PLCB1: variants seen among roughly 807,000 people sequenced by gnomAD.
The protein encoded by PLCB1 is 1-phosphatidylinositol 4,5-bisphosphate phosphodiesterase beta-1.
PLCB1 carries 46 observed loss-of-function variants against 161.8 expected under a neutral mutation model. That is an observed-to-expected ratio of 0.28 (90% CI 0.22 to 0.36). The LOEUF is 0.36. Ranked by LOEUF, PLCB1 falls within the 10% of genes least tolerant of loss-of-function variation. The probability of loss-of-function intolerance (pLI) is 1.00; values close to 1 mark genes in which losing one functional copy is unlikely to be tolerated. For missense variants in PLCB1, 1,016 were observed against 1,472.5 expected (o/e 0.69, Z 5.07); for synonymous variants, 517 against 503.7 (o/e 1.03, Z -0.35).
At position 8,699,594 on chromosome 20, in the gene PLCB1, G is replaced by A. The variant is rs946762177; in HGVS notation, c.1167+1811G>A. 9.9e-5 allele frequency among the ~76,000 whole-genome samples: 15 copies of A among 152,270 alleles called. No homozygotes were observed. The East Asian group carries it at 1.7e-3, about 18-fold the overall frequency. ...TCTTAATGTGAAACACTTGAGATGT[G>A]AGAAAATAAACAGTGATCACTGAAG... On this transcript the variant is annotated intron_variant, in intron 11 of 31. Transcript: ENST00000338037.
rs535715869 is a variant in PLCB1, at chr20:8,371,729, A to G, written c.246+279A>G. On this transcript the variant is annotated intron_variant, in intron 3 of 31. Coordinates refer to ENST00000338037, the MANE Select transcript of PLCB1 (RefSeq NM_015192.4). Reference sequence around the variant, plus strand: ...AATGCCCAAGTTACTGGGTAATTCTAAATGATTAAAAAGTACTTGAAATTA... The same window carrying G: ...AATGCCCAAGTTACTGGGTAATTCTGAATGATTAAAAAGTACTTGAAATTA... 18 of 324,100 alleles carry G rather than the reference A, an allele frequency of 5.6e-5. No homozygotes were observed. In the South Asian group the frequency reaches 2.0e-3, roughly 36 times the overall value. The allele number at this position is 324,100 out of a possible 1,614,324, so 20.1% of individuals were successfully genotyped here.
intron 2 of PLCB1, among the ~76,000 whole-genome samples, chr20:8,365,450 G>A (rs1986678184): frequency 6.6e-6 from 1 of 152,106 alleles, no homozygotes; most frequent in South Asian, 2.1e-4. Flanking sequence ...TGGAAATAAA[G>A]ATGAAAATCA....
intron 1 of PLCB1, among the ~76,000 whole-genome samples, chr20:8,145,593 C>T (rs953225086): frequency 6.6e-6 from 1 of 152,196 alleles, no homozygotes; most frequent in African/African-American, 2.4e-5. Flanking sequence ...ATGGTAGCTG[C>T]ATATGTGGAT....
Position 8,789,544 on chromosome 20 carries a change from A to G in PLCB1, c.3305A>G (p.Tyr1102Cys). Residue 1102 changes from tyrosine to cysteine, a missense_variant, in exon 30 of 32, where the codon TAT becomes TGT. Tyr to Cys is a radical substitution (Grantham distance 194). This residue lies in a region of PLCB1 where 398 missense variants were observed against 445.4 expected (regional missense o/e 0.89). Coordinates refer to ENST00000338037, the MANE Select transcript of PLCB1 (RefSeq NM_015192.4). The part of the protein sequence containing the change: ...EEEKTEMIRS[Y>C]IQEVVQYIKR... The stretch of plus-strand genomic sequence containing the variant: ...GAGAAGACAGAGATGATCCGGTCAT[A>G]TATCCAGGAAGTGGTGCAGTATATC... 2 of 1,611,950 alleles carry G rather than the reference A, an allele frequency of 1.2e-6. No homozygotes were observed. The highest frequency in any genetic ancestry group is 1.7e-6 in the Non-Finnish European group (2 of 1,178,002).
At chr20:8,623,741 A>G (rs1041314103) in intron 3 of PLCB1, 2 of 152,218 alleles carry the variant, frequency 1.3e-5, no homozygotes, top group Non-Finnish European at 2.9e-5. Context: ...CTTTTGCTCT[A>G]TTTAGAAGAA....
intron 3 of PLCB1, among the ~76,000 whole-genome samples, chr20:8,427,201 G>C (rs1404792069): frequency 6.6e-6 from 1 of 152,110 alleles, no homozygotes; most frequent in Non-Finnish European, 1.5e-5. Flanking sequence ...ATGAGCCACT[G>C]TGCCCAGCCA....
intron 3 of PLCB1, among the ~76,000 whole-genome samples, chr20:8,491,103 G>A (rs1982928588): frequency 6.6e-6 from 1 of 151,384 alleles, no homozygotes; most frequent in Non-Finnish European, 1.5e-5. Context: ...GGATTTTGGT[G>A]TTTGTGTCAT....
intron 3 of PLCB1, among the ~76,000 whole-genome samples, chr20:8,457,272 G>A (rs964066404): frequency 6.6e-6 from 1 of 152,034 alleles, no homozygotes; most frequent in African/African-American, 2.4e-5. Flanking sequence ...GGTCATCTTG[G>A]CCTCCTGTCC....
At chr20:8,644,485 C>T (rs1341435191) in intron 4 of PLCB1, among the ~76,000 whole-genome samples, 8 of 151,260 alleles carry the variant, frequency 5.3e-5, no homozygotes, top group South Asian at 2.1e-4. Flanking sequence ...TGCCCAGCCG[C>T]GACCCCGTCT....
At position 8,579,602 on chromosome 20, in the gene PLCB1, A is replaced by G. The variant is rs150455811; in HGVS notation, c.247-48692A>G. Reference sequence around the variant, plus strand: ...TCCTAAGTATAGAAGCATATGGACAATGACTAGAAAGACTTTGAGTAGGTC... The same window carrying G: ...TCCTAAGTATAGAAGCATATGGACAGTGACTAGAAAGACTTTGAGTAGGTC... On this transcript the variant is annotated intron_variant, in intron 3 of 31. Coordinates refer to ENST00000338037, the MANE Select transcript of PLCB1 (RefSeq NM_015192.4). Among the ~76,000 whole-genome samples the G allele has an allele frequency of 7.9e-5, 12 of 152,340 alleles. No homozygotes were observed. In the East Asian group the frequency reaches 2.1e-3, roughly 27 times the overall value.
At chr20:8,444,487 T>G (rs566327177) in intron 3 of PLCB1, among the ~76,000 whole-genome samples, 224 of 152,330 alleles carry the variant, frequency 1.5e-3, no homozygotes, top group African/African-American at 5.3e-3. Flanking sequence ...TTTGCAATTG[T>G]GAATAGTGCC....
At chr20:8,404,302 TTGTGTAGAAAA>T (rs1179788923) in intron 3 of PLCB1, among the ~76,000 whole-genome samples, 1 of 152,246 alleles carries the variant, frequency 6.6e-6, no homozygotes, top group Non-Finnish European at 1.5e-5. Context: ...CAGTTTCCTA[TTGTGTAGAAAA>T]AACATTTGGG....
chr20:8,721,212 A>G (rs1261276342), intron 14 of PLCB1, among the ~76,000 whole-genome samples: 1 of 152,220 alleles, frequency 6.6e-6, no homozygotes, highest in African/African-American at 2.4e-5. Context: ...TACTGTCTCC[A>G]TTTATATAAA....
chr20:8,505,713 T>G (rs1983610403), intron 3 of PLCB1, among the ~76,000 whole-genome samples: 1 of 152,172 alleles, frequency 6.6e-6, no homozygotes, highest in Admixed American at 6.5e-5. Flanking sequence ...CATTAGAAAT[T>G]TTAGCATTTA....
intron 2 of PLCB1, among the ~76,000 whole-genome samples, chr20:8,336,850 TTC>T (rs377561411): frequency 1.1e-4 from 16 of 152,296 alleles, no homozygotes; most frequent in African/African-American, 3.8e-4. Flanking sequence ...TCTTTTCTAT[TTC>T]TCTCTTTTCT....
At chr20:8,622,376 T>G (rs930146528) in intron 3 of PLCB1, among the ~76,000 whole-genome samples, 1 of 152,220 alleles carries the variant, frequency 6.6e-6, no homozygotes, top group African/African-American at 2.4e-5. Context: ...CTATAATCAC[T>G]TCTTTAATGT....
At chr20:8,156,526 TGATTCC>T (rs1023586900) in intron 2 of PLCB1, among the ~76,000 whole-genome samples, 2 of 152,228 alleles carry the variant, frequency 1.3e-5, no homozygotes, top group Non-Finnish European at 2.9e-5. Flanking sequence ...GGTTTTAAAA[TGATTCC>T]TTGGTTAAGA....
chr20:8,235,066 T>C (rs533556909), intron 2 of PLCB1, among the ~76,000 whole-genome samples: 3 of 152,132 alleles, frequency 2.0e-5, no homozygotes, highest in African/African-American at 4.8e-5. Context: ...TTGCCTAAAT[T>C]CATGTAACTT....
chr20:8,495,787 C>T (rs1344459195), intron 3 of PLCB1, among the ~76,000 whole-genome samples: 4 of 152,092 alleles, frequency 2.6e-5, no homozygotes, highest in South Asian at 2.1e-4. Flanking sequence ...CTTTTCCTAC[C>T]GTGGGGCCTT....
Sources: gnomAD v4.1 joint callset for allele counts (sites outside exome capture counted in the v4.1 genomes callset) on GRCh38, gnomAD v4.1.1 for gene constraint, gnomAD v4.1.1 regional missense constraint, MANE v1.5 for transcripts, NCBI Gene and HGNC (gene_info 2026-07-23, HGNC 2026-07-21) for gene names.